Variants in LRP1 observed in about 807,000 individuals in gnomAD.
LRP1 encodes LDL receptor related protein 1.
LRP1 carries 51 observed loss-of-function variants against 541.5 expected under a neutral mutation model. That is an observed-to-expected ratio of 0.09 (90% CI 0.08 to 0.12). LRP1 has a LOEUF of 0.12. Ranked by LOEUF, LRP1 falls within the 10% of genes least tolerant of loss-of-function variation. LRP1 has a pLI of 1.00. For missense variants in LRP1, 3,878 were observed against 6,376.2 expected (o/e 0.61, Z 13.34); for synonymous variants, 2,219 against 2,470.8 (o/e 0.90, Z 3.02).
chr12:57,169,710 G>T (rs991637226), intron 20 of LRP1, among the ~76,000 whole-genome samples: 1 of 152,242 alleles, frequency 6.6e-6, no homozygotes, highest in African/African-American at 2.4e-5. Context: ...CTCAGCACAC[G>T]GCCTGTGTTT....
rs368714430 is a variant in LRP1, at chr12:57,180,421, G to A, written c.5328G>A (p.Leu1776=). ...GCTGCAACCTGGATGGGAGTGGGCT[G>A]GAGGTCATCGATGCCATGCGGAGCC... is the stretch of plus-strand genomic sequence containing the variant. ...INRCNLDGSG[L]EVIDAMRSQL... Residue 1776 remains leucine (L), a synonymous_variant, in exon 32 of 89, where the codon CTG becomes CTA. Transcript: ENST00000243077. 2.5e-6 allele frequency: 4 copies of A among 1,614,054 alleles called. No individual in the cohort carries two copies. The highest frequency in any genetic ancestry group is 1.7e-5 in the Admixed American group (1 of 60,014).
chr12:57,176,037 C>G lies in LRP1; in HGVS notation c.3922C>G (p.Gln1308Glu). The change falls in exon 24 of 89, where the codon CAG becomes GAG. Residue 1308 changes from glutamine (Q) to glutamate (E), a missense_variant. Gln to Glu is a conservative substitution (Grantham distance 29). Transcript: ENST00000243077. ...NTIALDFHLS[Q>E]SALYWTDVVE... The stretch of plus-strand genomic sequence containing the variant: ...CATCGCCCTGGACTTCCACCTCAGC[C>G]AGAGCGCCCTCTACTGGACCGACGT... 1 of 1,614,236 alleles carries G rather than the reference C, an allele frequency of 6.2e-7. No individual in the cohort carries two copies. Among genetic ancestry groups the G allele is most frequent in the African/African-American group, 1.3e-5 (1 of 75,074 alleles).
chr12:57,151,211 A>C (rs1202821901), intron 6 of LRP1, among the ~76,000 whole-genome samples: 1 of 152,158 alleles, frequency 6.6e-6, no homozygotes, highest in Non-Finnish European at 1.5e-5. Context: ...ATGATGGAGA[A>C]GTTGAGAAAA....
Position 57,158,684 on chromosome 12 carries a change from G to A in LRP1, c.1798+46G>A, listed in dbSNP as rs1253886504. ...GGCCCATGGGGATGGAAGGGGGCTG[G>A]GGCCCAGGCATCTGTTTCTCGGTGC... is the stretch of plus-strand genomic sequence containing the variant. On this transcript the variant is annotated intron_variant, in intron 11 of 88. Transcript: ENST00000243077. This position sits in a 1 kb window ranked among gnomAD's most constrained non-coding sequence, Gnocchi z 5.3. 1.2e-5 allele frequency: 18 copies of A among 1,561,366 alleles called. No individual in the cohort carries two copies. The highest frequency in any genetic ancestry group is 1.5e-5 in the Non-Finnish European group (17 of 1,134,508).
intron 34 of LRP1, among the ~76,000 whole-genome samples, chr12:57,181,918 G>A (rs1284052338): frequency 1.3e-5 from 2 of 152,194 alleles, no homozygotes; most frequent in Non-Finnish European, 2.9e-5. Context: ...TTTCCCAAAA[G>A]TGCATTCCTA....
intron 47 of LRP1, 54 bp downstream of exon 47, chr12:57,193,739 C>G: frequency 6.2e-6 from 10 of 1,613,664 alleles, no homozygotes; most frequent in South Asian, 5.5e-5. Context: ...TGCCCCACCC[C>G]TCCCTGGCCA....
chr12:57,195,476 G>A (rs2036511693), intron 52 of LRP1, 77 bp downstream of exon 52: 16 of 1,585,266 alleles, frequency 1.0e-5, no homozygotes, highest in Middle Eastern at 3.4e-4. Context: ...AAGCCGGGGT[G>A]CAGGAGAGGA....
At chr12:57,193,791 C>T in intron 47 of LRP1, 106 bp downstream of exon 47, 2 of 1,600,750 alleles carry the variant, frequency 1.2e-6, no homozygotes, top group Non-Finnish European at 1.7e-6. Flanking sequence ...TCAAGGCACT[C>T]TGTGACAGGC....
rs60565245 is a variant in LRP1 at position 57,136,403 on chromosome 12, C to G, written c.68-2056C>G. On this transcript the variant is annotated intron_variant, in intron 1 of 88. Coordinates refer to ENST00000243077, the MANE Select transcript of LRP1 (RefSeq NM_002332.3). ...CTCCCTCCCTCCTAAGAGCCCCCCC[C>G]CCCCGCCATTTTCCTTATACTTCTG... 5.3e-3 allele frequency among the ~76,000 whole-genome samples: 780 copies of G among 147,566 alleles called. 54 individuals carry two copies. Among genetic ancestry groups the G allele is most frequent in the African/African-American group, 0.015 (618 of 40,492 alleles).
At chr12:57,145,831 G>A (rs1281267373) in intron 6 of LRP1, among the ~76,000 whole-genome samples, 2 of 152,128 alleles carry the variant, frequency 1.3e-5, no homozygotes, top group Non-Finnish European at 2.9e-5. Flanking sequence ...GGGAGCCAAG[G>A]CTAGGGAAAG....
At chr12:57,147,786 A>C (rs1385397492) in intron 6 of LRP1, among the ~76,000 whole-genome samples, 22 of 152,178 alleles carry the variant, frequency 1.4e-4, no homozygotes, top group Non-Finnish European at 1.5e-5. Flanking sequence ...GTCCTGGGCC[A>C]TGTGAGTCAG....
chr12:57,154,494 T>C lies in LRP1; in HGVS notation c.1020T>C (p.Thr340=). ...LDPAMGKVFF[T]DYGQIPKVER... ...CTTCCCACAGGAAGGTGTTTTTCAC[T>C]GACTATGGGCAGATCCCAAAGGTGG... is the stretch of plus-strand genomic sequence containing the variant. Residue 340 remains threonine (T), a synonymous_variant, in exon 8 of 89, where the codon ACT becomes ACC. Coordinates refer to ENST00000243077, the MANE Select transcript of LRP1 (RefSeq NM_002332.3). This position sits in a 1 kb window ranked among gnomAD's most constrained non-coding sequence, Gnocchi z 4.6. 1 of 1,613,108 alleles carries C rather than the reference T, an allele frequency of 6.2e-7. No homozygotes were observed. Among genetic ancestry groups the C allele is most frequent in the Non-Finnish European group, 8.5e-7 (1 of 1,179,092 alleles).
Position 57,191,465 on chromosome 12 carries a change from C to T in LRP1, c.7382C>T (p.Pro2461Leu), listed in dbSNP as rs1214107927. Residue 2461 changes from proline (P) to leucine (L), a missense_variant, in exon 44 of 89, where the codon CCC becomes CTC. Transcript: ENST00000243077. ...SNMKLLRVDI[P>L]QQPMGIIAVA... ...ATGAAGCTGCTGCGCGTGGACATCC[C>T]CCAGCAGCCCATGGGCATCATCGCC... 1.2e-6 allele frequency: 2 copies of T among 1,609,488 alleles called. No homozygotes were observed. The highest frequency in any genetic ancestry group is 8.5e-7 in the Non-Finnish European group (1 of 1,176,698).
chr12:57,165,713 T>C lies in LRP1; in HGVS notation c.2531-92T>C, dbSNP rs1457110098. ...AAAATTACTTTGTATTATTAAAAAATAGTAAAACAAACAAAAATGGTGCAA... is the reference window on the plus strand; with the variant it reads ...AAAATTACTTTGTATTATTAAAAAACAGTAAAACAAACAAAAATGGTGCAA... On this transcript the variant is annotated intron_variant, in intron 15 of 88. Coordinates refer to ENST00000243077, the MANE Select transcript of LRP1 (RefSeq NM_002332.3). This position sits in a 1 kb window ranked among gnomAD's most constrained non-coding sequence, Gnocchi z 4.5. The C allele has an allele frequency of 8.3e-6, 11 of 1,329,378 alleles. No homozygotes were observed. The highest frequency in any genetic ancestry group is 1.1e-5 in the Non-Finnish European group (11 of 960,510). The allele number at this position is 1,329,378 out of a possible 1,614,324, so 82.3% of individuals were successfully genotyped here.
chr12:57,211,982 C>T lies in LRP1; in HGVS notation c.13314C>T (p.Ala4438=), dbSNP rs760681084. The change falls in exon 87 of 89, where the codon GCC becomes GCT. Residue 4438 remains alanine (A), a synonymous_variant. Transcript: ENST00000243077. The surrounding 1 kb of genome is among the most constrained non-coding windows in gnomAD (Gnocchi z 4.3). ...LLLLLLLVLV[A]GVVFWYKRRV... Reference sequence around the variant, plus strand: ...TGCTGCTGCTGCTGGTTCTGGTGGCCGGAGTGGTATTCTGGTATAAGCGGC... The same window carrying T: ...TGCTGCTGCTGCTGGTTCTGGTGGCTGGAGTGGTATTCTGGTATAAGCGGC... 7 of 1,613,976 alleles carry T rather than the reference C, an allele frequency of 4.3e-6. No homozygotes were observed. Among genetic ancestry groups the T allele is most frequent in the South Asian group, 1.1e-5 (1 of 91,082 alleles).
rs544099164 is a variant in LRP1, at chr12:57,143,675, A to C, written c.329-4A>C. 6.2e-7 allele frequency: 1 copy of C among 1,612,410 alleles called. No homozygotes were observed. Among genetic ancestry groups the C allele is most frequent in the Admixed American group, 1.7e-5 (1 of 59,980 alleles). ...GAATATGTGTCTCTCCTGCCCCCAC[A>C]CAGAGCTCCAAGGCAACTGCTCTCG... On this transcript the variant is annotated splice_region_variant and splice_polypyrimidine_tract_variant and intron_variant, in intron 3 of 88. Transcript: ENST00000243077.
At chr12:57,149,263 C>T (rs1178698675) in intron 6 of LRP1, 2 of 442,158 alleles carry the variant, frequency 4.5e-6, no homozygotes, top group Non-Finnish European at 7.9e-6. Context: ...CTCTAGCCAC[C>T]CCACTCTTTG....
chr12:57,128,574 T>A lies in LRP1; in HGVS notation c.-391T>A. On this transcript the variant is annotated 5_prime_UTR_variant, in exon 1 of 89. Transcript: ENST00000243077. ...GCCCCCAGAGCTCCATCAAGCCCCC[T>A]CCAAAGGCTCCCCTACCCGGTCCAC... is the stretch of plus-strand genomic sequence containing the variant. The A allele has an allele frequency of 2.6e-6, 1 of 380,816 alleles. No individual in the cohort carries two copies. Among genetic ancestry groups the A allele is most frequent in the Non-Finnish European group, 4.6e-6 (1 of 216,094 alleles). The allele number at this position is 380,816 out of a possible 1,614,324, so 23.6% of individuals were successfully genotyped here. A position where few individuals can be genotyped will look rare whatever the true frequency, so the allele number is the denominator to read the frequency against.
Position 57,185,192 on chromosome 12 carries a change from G to T in LRP1, c.6450G>T (p.Arg2150=). The change falls in exon 40 of 89, where the codon CGG becomes CGT. Residue 2150 remains arginine (R), a synonymous_variant. Coordinates refer to ENST00000243077, the MANE Select transcript of LRP1 (RefSeq NM_002332.3). This position sits in a 1 kb window ranked among gnomAD's most constrained non-coding sequence, Gnocchi z 4.9. ...TTAAAGACATCAAAGTCTTCAACCG[G>T]GACCGGCAGAAAGGTGAGGCTGGGG... ...VQLKDIKVFN[R]DRQKGTNVCA... is the part of the protein sequence containing the mutation. 1.2e-6 allele frequency: 2 copies of T among 1,614,144 alleles called. No homozygotes were observed. The highest frequency in any genetic ancestry group is 1.7e-6 in the Non-Finnish European group (2 of 1,180,036).
Sources: allele counts gnomAD v4.1 joint callset (sites outside exome capture counted in the v4.1 genomes callset), GRCh38; gene constraint gnomAD v4.1.1; non-coding constraint Gnocchi (gnomAD v3.1); transcripts MANE v1.5; gene names NCBI Gene and HGNC (gene_info 2026-07-23, HGNC 2026-07-21).